NEGR1: variants seen among roughly 807,000 people sequenced by gnomAD.
The protein encoded by NEGR1 is IgLON family member 4.
NEGR1 carries 10 observed loss-of-function variants against 40.9 expected under a neutral mutation model. The ratio of observed to expected loss-of-function variants is 0.24; its 90% confidence interval spans 0.15 to 0.42. The LOEUF (loss-of-function observed/expected upper bound fraction) is 0.42. Among genes scored for constraint, NEGR1 ranks in the 10% least tolerant of loss-of-function variants. The probability of loss-of-function intolerance (pLI) is 1.00; values close to 1 mark genes in which losing one functional copy is unlikely to be tolerated. For synonymous variants in NEGR1, 185 were observed against 166.8 expected (o/e 1.11, Z -0.84); for missense variants, 352 against 438.9 (o/e 0.80, Z 1.77).
chr1:72,050,125 G>T (rs1423839476), intron 1 of NEGR1, among the ~76,000 whole-genome samples: 3 of 151,180 alleles, frequency 2.0e-5, no homozygotes, highest in African/African-American at 7.3e-5. Context: ...TTGTAAAAAA[G>T]GTCAAAAAGT....
intron 2 of NEGR1, among the ~76,000 whole-genome samples, chr1:71,813,529 G>A (rs1658082231): frequency 6.6e-6 from 1 of 151,926 alleles, no homozygotes; most frequent in Non-Finnish European, 1.5e-5. Context: ...TGGAAACTAT[G>A]GCCATTTTCA....
At chr1:72,161,801 C>A (rs1651574808) in intron 1 of NEGR1, among the ~76,000 whole-genome samples, 1 of 150,704 alleles carries the variant, frequency 6.6e-6, no homozygotes, top group South Asian at 2.1e-4. Flanking sequence ...GCCTCAGCCT[C>A]CCAAGTAGCT....
chr1:71,413,323 G>T (rs1163200749), intron 6 of NEGR1, among the ~76,000 whole-genome samples: 1 of 152,174 alleles, frequency 6.6e-6, no homozygotes, highest in Non-Finnish European at 1.5e-5. Context: ...CTGAGGCAAT[G>T]AGCAAAACAG....
intron 1 of NEGR1, among the ~76,000 whole-genome samples, chr1:72,181,537 C>G (rs1652371516): frequency 1.3e-5 from 2 of 152,056 alleles, no homozygotes; most frequent in African/African-American, 4.8e-5. Flanking sequence ...ATAGAACCAC[C>G]ATATGATGCA....
intron 1 of NEGR1, among the ~76,000 whole-genome samples, chr1:72,025,579 C>G (rs548755371): frequency 6.6e-6 from 1 of 152,204 alleles, no homozygotes; most frequent in South Asian, 2.1e-4. Flanking sequence ...CTAGCCCAGG[C>G]AGTAGCATCA....
At chr1:71,585,290 C>T (rs1174329709) in intron 6 of NEGR1, among the ~76,000 whole-genome samples, 1 of 152,074 alleles carries the variant, frequency 6.6e-6, no homozygotes, top group African/African-American at 2.4e-5. Flanking sequence ...GAAAACATTA[C>T]AGCTGAAAGG....
At chr1:71,980,452 C>T (rs1185386608) in intron 1 of NEGR1, among the ~76,000 whole-genome samples, 1 of 151,986 alleles carries the variant, frequency 6.6e-6, no homozygotes, top group Admixed American at 6.6e-5. Flanking sequence ...AGTGTTATGC[C>T]ACCATTTATT....
At chr1:71,884,068 A>G (rs1660657280) in intron 2 of NEGR1, among the ~76,000 whole-genome samples, 1 of 151,970 alleles carries the variant, frequency 6.6e-6, no homozygotes. Flanking sequence ...TGCTTTTCTC[A>G]GATCAATGAA....
At chr1:72,032,857 A>G (rs1646871275) in intron 1 of NEGR1, among the ~76,000 whole-genome samples, 1 of 152,138 alleles carries the variant, frequency 6.6e-6, no homozygotes, top group South Asian at 2.1e-4. Flanking sequence ...CAGTTTCCTC[A>G]TTTAAAAAAT....
At chr1:72,233,587 C>A (rs1363723665) in intron 1 of NEGR1, among the ~76,000 whole-genome samples, 1 of 152,092 alleles carries the variant, frequency 6.6e-6, no homozygotes, top group Non-Finnish European at 1.5e-5. Context: ...AGGATAATGG[C>A]CTCCAGCTGC....
At chr1:71,710,306 G>T (rs1342910680) in intron 3 of NEGR1, among the ~76,000 whole-genome samples, 1 of 152,148 alleles carries the variant, frequency 6.6e-6, no homozygotes, top group African/African-American at 2.4e-5. Flanking sequence ...CCACTGTAAA[G>T]AACAGTTTAG....
intron 6 of NEGR1, among the ~76,000 whole-genome samples, chr1:71,510,419 A>T (rs1468305284): frequency 2.6e-5 from 4 of 152,204 alleles, no homozygotes; most frequent in Non-Finnish European, 5.9e-5. Context: ...TTTGAAAGAA[A>T]CCATTTTAAA....
rs34844534 is a variant in NEGR1 at position 71,698,123 on chromosome 1, A to G, written c.552T>C (p.Asn184=). The G allele has an allele frequency of 3.1e-4, 507 of 1,610,552 alleles. 3 individuals carry two copies. The African/African-American group carries it at 6.4e-3, about 20-fold the overall frequency. Residue 184 remains asparagine (N), a synonymous_variant, in exon 4 of 7, where the codon AAT becomes AAC. Transcript: ENST00000357731. ...TTCCATAAATGTCCAAATATTGTCC[A>G]TTTTCAAATGGTTTTGCTATAAAAA... is the stretch of plus-strand genomic sequence containing the variant. ...HISPSAKPFE[N]GQYLDIYGIT... is the part of the protein sequence containing the mutation.
intron 3 of NEGR1, among the ~76,000 whole-genome samples, chr1:71,702,036 T>C (rs1653715128): frequency 6.6e-6 from 1 of 152,074 alleles, no homozygotes; most frequent in Non-Finnish European, 1.5e-5. Flanking sequence ...ACTGAAATTA[T>C]TCTAACAGGT....
chr1:71,667,971 G>A (rs1412859600), intron 4 of NEGR1, among the ~76,000 whole-genome samples: 5 of 152,148 alleles, frequency 3.3e-5, no homozygotes, highest in Non-Finnish European at 5.9e-5. Context: ...ATATAATGTA[G>A]TCATAATACA....
chr1:72,035,905 T>C (rs906307153), intron 1 of NEGR1, among the ~76,000 whole-genome samples: 1 of 152,176 alleles, frequency 6.6e-6, no homozygotes, highest in Non-Finnish European at 1.5e-5. Context: ...GATCATTTCA[T>C]ATTTCCCCTT....
intron 2 of NEGR1, among the ~76,000 whole-genome samples, chr1:71,862,131 T>C (rs1361231403): frequency 5.3e-5 from 8 of 152,150 alleles, no homozygotes; most frequent in Non-Finnish European, 1.0e-4. Flanking sequence ...ATCATCTTTC[T>C]GAATGCTTAT....
intron 1 of NEGR1, among the ~76,000 whole-genome samples, chr1:72,001,001 C>G (rs1205835539): frequency 6.6e-6 from 1 of 152,038 alleles, no homozygotes; most frequent in Non-Finnish European, 1.5e-5. Context: ...CTTGCTCAGA[C>G]ATGTCCACAA....
In NEGR1 at chr1:71,484,449, A is replaced by C. The variant is rs148583801; in HGVS notation, c.941-76879T>G. Among the ~76,000 whole-genome samples the C allele has an allele frequency of 6.2e-3, 936 of 151,888 alleles. 8 individuals carry two copies. The highest frequency in any genetic ancestry group is 0.012 in the Non-Finnish European group (790 of 67,814). Reference sequence around the variant, plus strand: ...TGATCATTTGCATTTAGTTGGCAGTACAAATTTATCTTTCTGTATAATGCT... The same window carrying C: ...TGATCATTTGCATTTAGTTGGCAGTCCAAATTTATCTTTCTGTATAATGCT... On this transcript the variant is annotated intron_variant, in intron 6 of 6. Coordinates refer to ENST00000357731, the MANE Select transcript of NEGR1 (RefSeq NM_173808.3).
Sources: allele counts gnomAD v4.1 joint callset (sites outside exome capture counted in the v4.1 genomes callset), GRCh38; gene constraint gnomAD v4.1.1; transcripts MANE v1.5; gene names NCBI Gene and HGNC (gene_info 2026-07-23, HGNC 2026-07-21).